Variants in TUSC3 observed in about 807,000 individuals in gnomAD.
TUSC3 encodes the protein dolichyl-diphosphooligosaccharide--protein glycosyltransferase subunit TUSC3.
TUSC3 carries 45 observed loss-of-function variants against 44.8 expected under a neutral mutation model. That is an observed-to-expected ratio of 1.00 (90% CI 0.79 to 1.29). The LOEUF (loss-of-function observed/expected upper bound fraction) is 1.29. Ranked by LOEUF, TUSC3 falls within the 50% of genes most tolerant of loss-of-function variation. TUSC3 has a pLI of 0.00. For synonymous variants in TUSC3, 212 were observed against 152.9 expected (o/e 1.39, Z -2.85); for missense variants, 519 against 437.9 (o/e 1.19, Z -1.65).
At chr8:15,645,941 A>T (rs1349761839) in intron 2 of TUSC3, among the ~76,000 whole-genome samples, 1 of 152,132 alleles carries the variant, frequency 6.6e-6, no homozygotes, top group African/African-American at 2.4e-5. Context: ...ACTTAGCTTA[A>T]GGGTATTTAT....
At chr8:15,637,313 C>G (rs1806125849) in intron 2 of TUSC3, among the ~76,000 whole-genome samples, 1 of 152,120 alleles carries the variant, frequency 6.6e-6, no homozygotes, top group African/African-American at 2.4e-5. Context: ...CAGTCAACTC[C>G]ATTTTTCTTT....
intron 2 of TUSC3, among the ~76,000 whole-genome samples, chr8:15,523,648 ATATATATATATATATATGTGTGTGTGTG>A (rs1357262899): frequency 3.4e-4 from 2 of 5,800 alleles, no homozygotes; most frequent in East Asian, 3.7e-3. Context: ...ACATATATAT[ATATATATATATATATATGTGTGTGTGTG>A]TGTGTGTGTG....
intron 1 of TUSC3, among the ~76,000 whole-genome samples, chr8:15,552,129 A>G (rs983912185): frequency 6.6e-6 from 1 of 151,764 alleles, no homozygotes; most frequent in African/African-American, 2.4e-5. Context: ...AATGTTTTTC[A>G]TATTATGTAC....
the TUSC3 span, among the ~76,000 whole-genome samples, chr8:15,841,515 C>G: frequency 6.6e-6 from 1 of 151,902 alleles, no homozygotes; most frequent in African/African-American, 2.4e-5. Flanking sequence ...TGTTATGAGA[C>G]AAAATTTTTT....
chr8:15,691,683 T>C (rs1336314847), intron 6 of TUSC3, among the ~76,000 whole-genome samples: 1 of 152,240 alleles, frequency 6.6e-6, no homozygotes, highest in African/African-American at 2.4e-5. Flanking sequence ...AATATGTTCC[T>C]TCAGTGTCTA....
chr8:15,694,222 C>T (rs541625168), intron 6 of TUSC3, among the ~76,000 whole-genome samples: 4 of 151,944 alleles, frequency 2.6e-5, no homozygotes, highest in South Asian at 2.1e-4. Flanking sequence ...GCGGGCAGAT[C>T]GCCTGAGGTC....
intron 6 of TUSC3, among the ~76,000 whole-genome samples, chr8:15,678,233 C>T (rs1400046342): frequency 6.6e-6 from 1 of 152,124 alleles, no homozygotes; most frequent in Non-Finnish European, 1.5e-5. Flanking sequence ...TATTACTTCT[C>T]CAGCACTGGT....
At chr8:15,594,055 C>T (rs1803967322) in intron 1 of TUSC3, among the ~76,000 whole-genome samples, 2 of 152,192 alleles carry the variant, frequency 1.3e-5, no homozygotes, top group Non-Finnish European at 1.5e-5. Flanking sequence ...AACTTGTATA[C>T]TACTTGTATA....
At chr8:15,793,556 CA>C in the TUSC3 span, among the ~76,000 whole-genome samples, 1 of 152,102 alleles carries the variant, frequency 6.6e-6, no homozygotes, top group South Asian at 2.1e-4. Flanking sequence ...GTTATTCTGC[CA>C]TTCACTCTCT....
the TUSC3 span, among the ~76,000 whole-genome samples, chr8:15,798,651 G>GT: frequency 2.3e-3 from 297 of 130,628 alleles, 1 homozygote; most frequent in Non-Finnish European, 3.5e-3. Flanking sequence ...TGGGTGTGTG[G>GT]GGGGGGTCCT....
intron 1 of TUSC3, among the ~76,000 whole-genome samples, chr8:15,614,270 C>T (rs947887446): frequency 3.3e-5 from 5 of 152,050 alleles, no homozygotes; most frequent in African/African-American, 9.7e-5. Context: ...TTGGATGAGG[C>T]TCACTTATGC....
chr8:15,764,246 T>C lies in TUSC3; in HGVS notation c.*90T>C. The C allele has an allele frequency of 4.4e-6, 7 of 1,603,588 alleles. No individual in the cohort carries two copies. The highest frequency in any genetic ancestry group is 6.0e-6 in the Non-Finnish European group (7 of 1,171,990). On this transcript the variant is annotated 3_prime_UTR_variant, in exon 11 of 11. Transcript: ENST00000503731. ...CCAAGTGGGATTTGCATAAAGTGAA[T>C]GTTTACCATGAAGATAAACTGTTCC...
chr8:15,427,843 G>A (rs979205362), intron 1 of TUSC3, among the ~76,000 whole-genome samples: 3 of 152,096 alleles, frequency 2.0e-5, no homozygotes, highest in South Asian at 2.1e-4. Context: ...ATGTCAAGAA[G>A]CTTTTCCCCT....
At chr8:15,586,218 G>T (rs915488497) in intron 1 of TUSC3, among the ~76,000 whole-genome samples, 1 of 152,012 alleles carries the variant, frequency 6.6e-6, no homozygotes, top group Non-Finnish European at 1.5e-5. Flanking sequence ...TGACTGTGAA[G>T]GACTGAATGT....
exon 1 of TUSC3, chr8:15,417,273 C>T (rs139916689): frequency 6.6e-6 from 1 of 152,444 alleles, no homozygotes; most frequent in Non-Finnish European, 1.5e-5. Flanking sequence ...CTGAGGCCTC[C>T]TCAGCCATGC....
At chr8:15,634,998 T>G (rs1805999241) in intron 2 of TUSC3, among the ~76,000 whole-genome samples, 1 of 152,134 alleles carries the variant, frequency 6.6e-6, no homozygotes, top group Admixed American at 6.6e-5. Context: ...ACTAAGACCA[T>G]GTCAGTAAAA....
intron 1 of TUSC3, among the ~76,000 whole-genome samples, chr8:15,594,737 G>A (rs1803993061): frequency 6.6e-6 from 1 of 152,130 alleles, no homozygotes; most frequent in African/African-American, 2.4e-5. Context: ...CTACTCTTAT[G>A]AATCAGGTTC....
At chr8:15,450,893 A>T (rs952409525) in intron 1 of TUSC3, among the ~76,000 whole-genome samples, 3 of 152,084 alleles carry the variant, frequency 2.0e-5, no homozygotes, top group South Asian at 2.1e-4. Flanking sequence ...GGCAGAAACA[A>T]TGCCTGAAAC....
chr8:15,426,376 C>G (rs116520201), intron 1 of TUSC3, among the ~76,000 whole-genome samples: 107 of 152,340 alleles, frequency 7.0e-4, no homozygotes, highest in African/African-American at 2.5e-3. Flanking sequence ...ATAAGTGAAA[C>G]TTGATGCCCA....
Sources: allele counts gnomAD v4.1 joint callset (sites outside exome capture counted in the v4.1 genomes callset), GRCh38; gene constraint gnomAD v4.1.1; transcripts MANE v1.5; gene names NCBI Gene and HGNC (gene_info 2026-07-23, HGNC 2026-07-21).